Variants in ADGRL3 observed in about 807,000 individuals in gnomAD.
ADGRL3 encodes adhesion G protein-coupled receptor L3.
Under a neutral mutation model 153.5 loss-of-function variants are expected in ADGRL3, and 62 were observed. That is an observed-to-expected ratio of 0.40 (90% confidence interval 0.33 to 0.50). The LOEUF is 0.50. Ranked by LOEUF, ADGRL3 falls within the 20% of genes least tolerant of loss-of-function variation. ADGRL3 has a pLI of 0.47. For missense variants in ADGRL3, 1,641 were observed against 1,859.4 expected, an observed-to-expected ratio of 0.88 and a Z score of 2.16; for synonymous variants, 710 against 672.5, an observed-to-expected ratio of 1.06 and a Z score of -0.86.
At chr4:61,709,277 A>C (rs2095916488) in intron 6 of ADGRL3, among the ~76,000 whole-genome samples, 1 of 152,134 alleles carries the variant, frequency 6.6e-6, no homozygotes, top group African/African-American at 2.4e-5. Context: ...TAATTTGATA[A>C]TTTACTGCTT....
At chr4:61,597,202 T>C (rs190449327) in intron 5 of ADGRL3, among the ~76,000 whole-genome samples, 12 of 152,196 alleles carry the variant, frequency 7.9e-5, no homozygotes, top group African/African-American at 2.6e-4. Flanking sequence ...CGTTCGTGTA[T>C]TGAGAAAGTA....
At chr4:61,210,345 A>G (rs1279933602) in intron 1 of ADGRL3, among the ~76,000 whole-genome samples, 1 of 152,106 alleles carries the variant, frequency 6.6e-6, no homozygotes, top group African/African-American at 2.4e-5. Context: ...CGCATCCCGC[A>G]GAGGCAGAGT....
intron 2 of ADGRL3, among the ~76,000 whole-genome samples, chr4:61,444,779 A>G (rs1246724783): frequency 1.3e-5 from 2 of 152,168 alleles, no homozygotes; most frequent in Admixed American, 1.3e-4. Context: ...CTGGCTGGGC[A>G]CAGTGGCTCA....
chr4:61,953,788 G>C (rs149584498), intron 17 of ADGRL3, among the ~76,000 whole-genome samples: 1 of 152,312 alleles, frequency 6.6e-6, no homozygotes, highest in African/African-American at 2.4e-5. Context: ...GAAGTGTCCT[G>C]TTATAAAGAT....
At chr4:61,930,176 A>G (rs988625274) in intron 13 of ADGRL3, among the ~76,000 whole-genome samples, 4 of 118,150 alleles carry the variant, frequency 3.4e-5, no homozygotes, top group Admixed American at 2.8e-4. Context: ...ACTCTGTCTC[A>G]AAAAAAAAAA....
chr4:61,835,044 G>A (rs2148914180), intron 9 of ADGRL3, among the ~76,000 whole-genome samples: 1 of 152,202 alleles, frequency 6.6e-6, no homozygotes, highest in African/African-American at 2.4e-5. Context: ...TAAAGTGTAT[G>A]TTTTTACCTA....
At chr4:61,479,213 A>G (rs1208848801) in intron 2 of ADGRL3, among the ~76,000 whole-genome samples, 1 of 152,116 alleles carries the variant, frequency 6.6e-6, no homozygotes, top group Non-Finnish European at 1.5e-5. Flanking sequence ...ACCAGAATCT[A>G]AGTTTTCCTT....
intron 2 of ADGRL3, among the ~76,000 whole-genome samples, chr4:61,483,605 C>G (rs375514938): frequency 6.6e-6 from 1 of 151,768 alleles, no homozygotes; most frequent in African/African-American, 2.4e-5. Flanking sequence ...GGCATGGTGG[C>G]GCATGCCTGT....
At chr4:61,448,370 C>A (rs1272099895) in intron 2 of ADGRL3, among the ~76,000 whole-genome samples, 1 of 152,150 alleles carries the variant, frequency 6.6e-6, no homozygotes, top group Non-Finnish European at 1.5e-5. Flanking sequence ...GGAAATAATT[C>A]TAAGCCCAGT....
chr4:61,949,916 T>C (rs2098940682), intron 17 of ADGRL3, among the ~76,000 whole-genome samples: 1 of 152,184 alleles, frequency 6.6e-6, no homozygotes, highest in Non-Finnish European at 1.5e-5. Flanking sequence ...TTTCACAGCA[T>C]TTTATATTAT....
At chr4:61,423,875 T>C (rs571357618) in intron 2 of ADGRL3, among the ~76,000 whole-genome samples, 1 of 152,174 alleles carries the variant, frequency 6.6e-6, no homozygotes, top group South Asian at 2.1e-4. Flanking sequence ...GAGCACAGAG[T>C]AAAAACATTT....
chr4:61,840,038 T>A (rs2148979100), intron 9 of ADGRL3, among the ~76,000 whole-genome samples: 1 of 152,236 alleles, frequency 6.6e-6, no homozygotes, highest in East Asian at 1.9e-4. Context: ...CTTACCTTTT[T>A]AAAAAATGAA....
At chr4:61,418,975 T>C (rs2097173641) in intron 2 of ADGRL3, among the ~76,000 whole-genome samples, 3 of 150,792 alleles carry the variant, frequency 2.0e-5, no homozygotes, top group Admixed American at 2.0e-4. Context: ...TTCAATAATT[T>C]ACTTGATTTA....
intron 7 of ADGRL3, 44 bp from the exon 8 acceptor site, chr4:61,732,710 G>T: frequency 9.1e-7 from 1 of 1,096,316 alleles, no homozygotes; most frequent in Non-Finnish European, 1.2e-6. Context: ...AACAAAATAT[G>T]AAATTAATAT....
At chr4:61,437,304 G>A (rs912671798) in intron 2 of ADGRL3, among the ~76,000 whole-genome samples, 16 of 152,062 alleles carry the variant, frequency 1.1e-4, no homozygotes, top group Non-Finnish European at 2.2e-4. Context: ...TAGGCTACCT[G>A]TTGGAAATTT....
chr4:61,558,748 C>A (rs146773425), intron 4 of ADGRL3, among the ~76,000 whole-genome samples: 1 of 151,926 alleles, frequency 6.6e-6, no homozygotes, highest in Non-Finnish European at 1.5e-5. Flanking sequence ...GGAACATCAT[C>A]GTTATTCAAG....
At chr4:61,871,647 C>T (rs1193304085) in intron 9 of ADGRL3, among the ~76,000 whole-genome samples, 1 of 152,126 alleles carries the variant, frequency 6.6e-6, no homozygotes, top group African/African-American at 2.4e-5. Context: ...TACTATTGAG[C>T]AAGGGCTTTC....
intron 2 of ADGRL3, among the ~76,000 whole-genome samples, chr4:61,443,139 CT>C (rs2097544917): frequency 6.6e-6 from 1 of 152,148 alleles, no homozygotes; most frequent in South Asian, 2.1e-4. Flanking sequence ...AGTCATGTAG[CT>C]TTCTCAACTA....
chr4:62,037,758 C>A lies in ADGRL3; in HGVS notation c.3619C>A (p.Arg1207=), dbSNP rs1236428609. 2.5e-6 allele frequency: 4 copies of A among 1,613,670 alleles called. No homozygotes were observed. The highest frequency in any genetic ancestry group is 1.7e-4 in the Middle Eastern group (1 of 6,058). ...ACGAAAAGAGTATGGGAAATGCCTG[C>A]GAACACATTGCTGTAGTGGCAAAAG... ...KVRKEYGKCL[R]THCCSGKSTE... is the part of the protein sequence containing the mutation. The change falls in exon 24 of 27, where the codon CGA becomes AGA. Residue 1207 remains arginine (R), a synonymous_variant. Transcript: ENST00000683033.
Sources: allele counts gnomAD v4.1 joint callset (sites outside exome capture counted in the v4.1 genomes callset), GRCh38; gene constraint gnomAD v4.1.1; transcripts MANE v1.5; gene names NCBI Gene and HGNC (gene_info 2026-07-23, HGNC 2026-07-21).